OPCML: variants seen among roughly 807,000 people sequenced by gnomAD.
The protein encoded by OPCML is opioid-binding protein/cell adhesion molecule.
In OPCML, 13 loss-of-function variants were observed where a neutral mutation model predicts 37.8. That is an observed-to-expected ratio of 0.34 (90% CI 0.22 to 0.55). The LOEUF is 0.55. Among genes scored for constraint, OPCML ranks in the 20% least tolerant of loss-of-function variants. The pLI, the probability that OPCML is intolerant of heterozygous loss-of-function variation, is 0.91. For synonymous variants in OPCML, 176 were observed against 168.8 expected (o/e 1.04, Z -0.33); for missense variants, 341 against 435.6 (o/e 0.78, Z 1.93).
At chr11:133,140,055 C>T (rs907393387) in intron 1 of OPCML, among the ~76,000 whole-genome samples, 12 of 151,544 alleles carry the variant, frequency 7.9e-5, no homozygotes, top group East Asian at 2.0e-4. Context: ...GGCGTAGTGG[C>T]GCACACCTGT....
chr11:133,212,128 A>T lies in OPCML; in HGVS notation c.62-269118T>A, dbSNP rs938329908. 1.3e-5 allele frequency among the ~76,000 whole-genome samples: 2 copies of T among 150,040 alleles called. No homozygotes were observed. The highest frequency in any genetic ancestry group is 6.6e-5 in the Admixed American group (1 of 15,174). ...GGGGTCAGGATCCTTCACCTGCTGG[A>T]ACCTGAGCATGAAAGTACCCACACC... On this transcript the variant is annotated intron_variant, in intron 1 of 7. Coordinates refer to ENST00000524381, the MANE Select transcript of OPCML (RefSeq NM_001012393.5). This position sits in a 1 kb window ranked among gnomAD's most constrained non-coding sequence, Gnocchi z 4.9.
chr11:132,869,392 G>A (rs959816537), intron 2 of OPCML, among the ~76,000 whole-genome samples: 3 of 152,108 alleles, frequency 2.0e-5, no homozygotes, highest in Non-Finnish European at 4.4e-5. Flanking sequence ...GGAACACATA[G>A]CTTATATAAC....
intron 3 of OPCML, among the ~76,000 whole-genome samples, chr11:132,599,838 A>T (rs1434976738): frequency 6.6e-6 from 1 of 152,214 alleles, no homozygotes; most frequent in Non-Finnish European, 1.5e-5. Flanking sequence ...TCACAGTGAA[A>T]TTGAGCCATA....
At chr11:133,128,002 C>T (rs1193097085) in intron 1 of OPCML, among the ~76,000 whole-genome samples, 2 of 152,044 alleles carry the variant, frequency 1.3e-5, no homozygotes, top group Non-Finnish European at 2.9e-5. Context: ...GTTCAGGCAC[C>T]CATCAGTCCA....
At chr11:133,008,822 G>A (rs1037114923) in intron 1 of OPCML, 36 of 876,314 alleles carry the variant, frequency 4.1e-5, no homozygotes, top group Admixed American at 6.2e-5. Flanking sequence ...ACTCCCTAAT[G>A]CACTTTCTGA....
chr11:132,911,403 G>T (rs1454691123), intron 2 of OPCML, among the ~76,000 whole-genome samples: 1 of 152,206 alleles, frequency 6.6e-6, no homozygotes, highest in African/African-American at 2.4e-5. Context: ...GAAGGAAGTT[G>T]GAATCTATTA....
At chr11:132,596,686 C>A (rs1424263982) in intron 3 of OPCML, among the ~76,000 whole-genome samples, 1 of 152,162 alleles carries the variant, frequency 6.6e-6, no homozygotes, top group Non-Finnish European at 1.5e-5. Context: ...CTAAACTGAA[C>A]AGGGCTCCTA....
intron 1 of OPCML, among the ~76,000 whole-genome samples, chr11:133,271,513 C>A (rs893286355): frequency 2.0e-5 from 3 of 152,174 alleles, no homozygotes; most frequent in Non-Finnish European, 4.4e-5. Flanking sequence ...AATAATGATA[C>A]TAATTAGCTT....
intron 7 of OPCML, among the ~76,000 whole-genome samples, chr11:132,427,703 G>T (rs994596613): frequency 1.3e-5 from 2 of 152,212 alleles, no homozygotes; most frequent in African/African-American, 4.8e-5. Flanking sequence ...TTGAGTCTTT[G>T]TTGAACCATA....
intron 2 of OPCML, among the ~76,000 whole-genome samples, chr11:132,879,230 T>C (rs1943135807): frequency 6.6e-6 from 1 of 152,216 alleles, no homozygotes; most frequent in Non-Finnish European, 1.5e-5. Flanking sequence ...TCTAGGCACC[T>C]AGACAAGAAA....
At chr11:133,229,948 T>C (rs1565517796) in intron 1 of OPCML, among the ~76,000 whole-genome samples, 1 of 152,214 alleles carries the variant, frequency 6.6e-6, no homozygotes, top group Non-Finnish European at 1.5e-5. Flanking sequence ...TAAGCTCTAC[T>C]GTATGCACGT....
chr11:132,457,265 C>A (rs77805410), intron 4 of OPCML, among the ~76,000 whole-genome samples: 1 of 152,134 alleles, frequency 6.6e-6, no homozygotes, highest in African/African-American at 2.4e-5. Context: ...CATGAGTGGC[C>A]TTGAACACAG....
chr11:132,425,190 C>A (rs543816609), intron 7 of OPCML, among the ~76,000 whole-genome samples: 1 of 152,370 alleles, frequency 6.6e-6, no homozygotes, highest in African/African-American at 2.4e-5. Flanking sequence ...CAGTCCATAC[C>A]TTCAAAAAGC....
intron 1 of OPCML, among the ~76,000 whole-genome samples, chr11:133,357,388 C>T (rs1486093379): frequency 6.6e-6 from 1 of 152,130 alleles, no homozygotes; most frequent in Non-Finnish European, 1.5e-5. Context: ...ACGTACATGG[C>T]ACTATGTTTG....
At chr11:132,876,855 G>T (rs1716775279) in intron 2 of OPCML, among the ~76,000 whole-genome samples, 1 of 152,306 alleles carries the variant, frequency 6.6e-6, no homozygotes, top group South Asian at 2.1e-4. Flanking sequence ...AGGGGTAAAG[G>T]ATGTGGTTTT....
At chr11:133,239,210 A>T (rs1053836575) in intron 1 of OPCML, among the ~76,000 whole-genome samples, 8 of 152,346 alleles carry the variant, frequency 5.3e-5, no homozygotes, top group African/African-American at 1.9e-4. Flanking sequence ...AGCTAGGCAC[A>T]CACCAAGTAC....
intron 4 of OPCML, among the ~76,000 whole-genome samples, chr11:132,437,821 T>C (rs2096018335): frequency 6.6e-6 from 1 of 152,242 alleles, no homozygotes. Flanking sequence ...GAATACAAAC[T>C]ACTACTTGTA....
intron 1 of OPCML, among the ~76,000 whole-genome samples, chr11:133,253,678 T>C (rs1209242004): frequency 6.6e-6 from 1 of 152,182 alleles, no homozygotes; most frequent in Non-Finnish European, 1.5e-5. Context: ...AGTTTAAAAG[T>C]GCTATTATAT....
intron 1 of OPCML, among the ~76,000 whole-genome samples, chr11:132,993,520 A>G (rs189120577): frequency 4.6e-5 from 7 of 152,154 alleles, no homozygotes; most frequent in Non-Finnish European, 8.8e-5. Context: ...CTGACCCTCC[A>G]TGAATGACAC....
Sources: gnomAD v4.1 joint callset for allele counts (sites outside exome capture counted in the v4.1 genomes callset) on GRCh38, gnomAD v4.1.1 for gene constraint, Gnocchi (gnomAD v3.1) non-coding constraint, MANE v1.5 for transcripts, NCBI Gene and HGNC (gene_info 2026-07-23, HGNC 2026-07-21) for gene names.